The following COPG1 variants were observed in gnomAD, a reference collection of about 807,000 sequenced individuals.
The protein encoded by COPG1 is coatomer subunit gamma-1.
A neutral mutation model predicts 102.8 loss-of-function variants in COPG1; 29 were observed. That is an observed-to-expected ratio of 0.28 (90% confidence interval 0.21 to 0.38). COPG1 has a LOEUF of 0.38. Ranked by LOEUF, COPG1 falls within the 10% of genes least tolerant of loss-of-function variation. COPG1 has a pLI of 1.00. For missense variants in COPG1, 875 were observed against 1,132.7 expected, an observed-to-expected ratio of 0.77 and a Z score of 3.27; for synonymous variants, 406 against 421.6, an observed-to-expected ratio of 0.96 and a Z score of 0.45.
chr3:129,263,760 A>G (rs1310990648), intron 12 of COPG1, 144 bp from the exon 13 acceptor site: 8 of 688,812 alleles, frequency 1.2e-5, no homozygotes, highest in African/African-American at 1.8e-5. Context: ...TCAAGCGTGG[A>G]GTTGAGTTCC....
intron 8 of COPG1, 31 bp from the exon 9 acceptor site, chr3:129,257,439 T>G: frequency 6.2e-7 from 1 of 1,612,876 alleles, no homozygotes; most frequent in Non-Finnish European, 8.5e-7. Context: ...AGTCATACAT[T>G]TGTACTCTGT....
chr3:129,251,010 G>A (rs999605158), intron 2 of COPG1: 2 of 304,136 alleles, frequency 6.6e-6, no homozygotes, highest in Non-Finnish European at 1.2e-5. Context: ...TGCAAGCTCC[G>A]CCTTCCAGGT....
rs974286308 is a variant in COPG1, at chr3:129,257,467, T to C, written c.580-3T>C. 3.1e-6 allele frequency: 5 copies of C among 1,614,168 alleles called. No homozygotes were observed. Among genetic ancestry groups the C allele is most frequent in the Non-Finnish European group, 4.2e-6 (5 of 1,180,012 alleles). Reference sequence around the variant, plus strand: ...TACTCTGTTGCTGTCTCCTGTCCTATAGTACCACGCACTAGGGCTCCTGTA... The same window carrying C: ...TACTCTGTTGCTGTCTCCTGTCCTACAGTACCACGCACTAGGGCTCCTGTA... On this transcript the variant is annotated splice_polypyrimidine_tract_variant and splice_region_variant and intron_variant, in intron 8 of 23. Transcript: ENST00000314797.
intron 8 of COPG1, among the ~76,000 whole-genome samples, chr3:129,256,899 A>G (rs2107674092): frequency 6.6e-6 from 1 of 152,370 alleles, no homozygotes. Flanking sequence ...GAGAGTATCG[A>G]GGACAGGAAA....
chr3:129,261,125 TAGC>T (rs1171216143), intron 12 of COPG1, among the ~76,000 whole-genome samples: 1 of 152,202 alleles, frequency 6.6e-6, no homozygotes, highest in African/African-American at 2.4e-5. Context: ...AAGGGGAACA[TAGC>T]AGTGAACAAA....
intron 17 of COPG1, 116 bp downstream of exon 17, chr3:129,268,736 A>T: frequency 4.6e-6 from 6 of 1,316,656 alleles, no homozygotes; most frequent in Non-Finnish European, 6.4e-6. Context: ...TGGGAGGAGG[A>T]AATGATCTTT....
At chr3:129,254,947 G>A (rs769046218) in intron 6 of COPG1, 38 bp from the exon 7 acceptor site, 2 of 1,555,598 alleles carry the variant, frequency 1.3e-6, no homozygotes, top group Non-Finnish European at 1.8e-6. Context: ...GCCAAGGACT[G>A]ACTGGATCTC....
intron 12 of COPG1, among the ~76,000 whole-genome samples, chr3:129,262,033 A>T (rs1939935405): frequency 6.6e-6 from 1 of 152,188 alleles, no homozygotes; most frequent in African/African-American, 2.4e-5. Flanking sequence ...TATAGTGTGG[A>T]TTATGCAAAG....
At chr3:129,270,493 C>G (rs1239155372) in intron 18 of COPG1, among the ~76,000 whole-genome samples, 1 of 152,044 alleles carries the variant, frequency 6.6e-6, no homozygotes, top group Admixed American at 6.5e-5. Flanking sequence ...AGTATCAGGC[C>G]CAAAACTCTG....
At position 129,257,477 on chromosome 3, in the gene COPG1, C is replaced by T; in HGVS notation, c.587C>T (p.Ala196Val). The T allele has an allele frequency of 6.2e-7, 1 of 1,614,200 alleles. No individual in the cohort carries two copies. Among genetic ancestry groups the T allele is most frequent in the Non-Finnish European group, 8.5e-7 (1 of 1,180,032 alleles). ...CTGTCTCCTGTCCTATAGTACCACG[C>T]ACTAGGGCTCCTGTACCATGTGCGT... Reference protein sequence around the residue: ...SSDNIMVQYHALGLLYHVRKN... With the variant: ...SSDNIMVQYHVLGLLYHVRKN... The change falls in exon 9 of 24, where the codon GCA becomes GTA. Residue 196 changes from alanine to valine, a missense_variant. Transcript: ENST00000314797.
intron 7 of COPG1, 56 bp from the exon 8 acceptor site, chr3:129,256,012 G>C: frequency 6.7e-7 from 1 of 1,503,582 alleles, no homozygotes. Flanking sequence ...ACTGGGCCCA[G>C]AATGTGTGAT....
intron 2 of COPG1, 120 bp from the exon 3 acceptor site, chr3:129,252,161 G>A: frequency 1.5e-6 from 1 of 680,020 alleles, no homozygotes; most frequent in South Asian, 1.7e-5. Flanking sequence ...TAAGCTTGTT[G>A]CATACCCAGA....
chr3:129,271,628 G>A lies in COPG1; in HGVS notation c.1844-139G>A, dbSNP rs1028131151. On this transcript the variant is annotated intron_variant, in intron 18 of 23. Transcript: ENST00000314797. The surrounding 1 kb of genome is among the most constrained non-coding windows in gnomAD (Gnocchi z 4.7). ...CATGGATATATTCAGGAAATAATGA[G>A]TAGCCAGTTGGGTAAACATATCTAT... The A allele has an allele frequency of 1.7e-5, 17 of 1,003,944 alleles. No individual in the cohort carries two copies. The highest frequency in any genetic ancestry group is 2.7e-5 in the Admixed American group (1 of 37,550). 62.2% of individuals were successfully genotyped at this position (1,003,944 alleles called of 1,614,324 possible).
intron 14 of COPG1, among the ~76,000 whole-genome samples, chr3:129,266,097 G>A (rs945729475): frequency 1.3e-5 from 2 of 151,298 alleles, no homozygotes; most frequent in Admixed American, 6.6e-5. Flanking sequence ...TCAGCCTCCC[G>A]AGTAGGTGGG....
chr3:129,257,680 G>C, intron 9 of COPG1, 47 bp from the exon 10 acceptor site: 1 of 1,613,492 alleles, frequency 6.2e-7, no homozygotes, highest in Non-Finnish European at 8.5e-7. Flanking sequence ...ATCCTACCAT[G>C]CTGGGCCACC....
intron 2 of COPG1, 68 bp from the exon 3 acceptor site, chr3:129,252,213 G>T (rs1426632694): frequency 8.9e-7 from 1 of 1,125,186 alleles, no homozygotes; most frequent in East Asian, 2.3e-5. Flanking sequence ...AGACTTCTCA[G>T]ACATTGAATA....
Position 129,249,657 on chromosome 3 carries a change from G to T in COPG1, c.-53G>T, listed in dbSNP as rs1271713200. ...AGAACCACTGTGGCACCGCTACTCC[G>T]TGCCGCGCCCGTCGAGCATTGCGTT... On this transcript the variant is annotated 5_prime_UTR_variant, in exon 1 of 24. Transcript: ENST00000314797. 1.3e-6 allele frequency: 2 copies of T among 1,547,668 alleles called. No homozygotes were observed. Among genetic ancestry groups the T allele is most frequent in the East Asian group, 2.4e-5 (1 of 40,898 alleles).
rs1939647770 is a variant in COPG1 at position 129,249,617 on chromosome 3, GGAAGTGGTCCCTGTA to G, written c.-89_-75del. ...TGGGCGACGTGGCCAGTCGGGGCCCGGAAGTGGTCCCTGTAGAACCACTGTGGCACCGCTACTCCG... is the reference window on the plus strand; with the variant it reads ...TGGGCGACGTGGCCAGTCGGGGCCCGGAACCACTGTGGCACCGCTACTCCG... On this transcript the variant is annotated 5_prime_UTR_variant, in exon 1 of 24. Coordinates refer to ENST00000314797, the MANE Select transcript of COPG1 (RefSeq NM_016128.4). The G allele has an allele frequency of 7.0e-7, 1 of 1,420,030 alleles. No homozygotes were observed. Among genetic ancestry groups the G allele is most frequent in the Non-Finnish European group, 9.6e-7 (1 of 1,037,632 alleles). 88.0% of individuals were successfully genotyped at this position (1,420,030 alleles called of 1,614,324 possible). A position where few individuals can be genotyped will look rare whatever the true frequency, so the allele number is the denominator to read the frequency against.
intron 2 of COPG1, 115 bp from the exon 3 acceptor site, chr3:129,252,166 C>A: frequency 1.4e-6 from 1 of 702,790 alleles, no homozygotes; most frequent in Non-Finnish European, 2.6e-6. Context: ...TTGTTGCATA[C>A]CCAGAAAGCC....
Sources: gnomAD v4.1 joint callset for allele counts (sites outside exome capture counted in the v4.1 genomes callset) on GRCh38, gnomAD v4.1.1 for gene constraint, Gnocchi (gnomAD v3.1) non-coding constraint, MANE v1.5 for transcripts, NCBI Gene and HGNC (gene_info 2026-07-23, HGNC 2026-07-21) for gene names.